Variants in SPECC1L observed in about 807,000 individuals in gnomAD.
SPECC1L encodes the protein cytospin-A.
SPECC1L carries 40 observed loss-of-function variants against 116.8 expected under a neutral mutation model. The ratio of observed to expected loss-of-function variants is 0.34; its 90% CI spans 0.27 to 0.45. The LOEUF is 0.45. SPECC1L is among the 20% of genes least tolerant of loss of function. The pLI is 1.00. For synonymous variants in SPECC1L, 504 were observed against 500.6 expected, an observed-to-expected ratio of 1.01 and a Z score of -0.09; for missense variants, 1,110 against 1,373.6, an observed-to-expected ratio of 0.81 and a Z score of 3.03.
rs571630602 is a variant in SPECC1L, at chr22:24,317,075, G to A, written c.307+3609G>A. ...TCCCTCCCGGAGGGGGTGGCTGGCCGGGCGGTGGGGCTGACCCCCCCACCT... is the reference window on the plus strand; with the variant it reads ...TCCCTCCCGGAGGGGGTGGCTGGCCAGGCGGTGGGGCTGACCCCCCCACCT... On this transcript the variant is annotated intron_variant, in intron 4 of 16. Coordinates refer to ENST00000314328, the MANE Select transcript of SPECC1L (RefSeq NM_015330.6). 3.4e-4 allele frequency among the ~76,000 whole-genome samples: 41 copies of A among 118,990 alleles called. 3 individuals are homozygous for A. The South Asian group carries it at 0.01, about 30-fold the overall frequency. The allele number at this position is 118,990 out of a possible 152,430, so 78.1% of individuals were successfully genotyped here. A position where few individuals can be genotyped will look rare whatever the true frequency, so the allele number is the denominator to read the frequency against.
rs2040742680 is a variant in SPECC1L, at chr22:24,322,576, A to G, written c.1596A>G (p.Glu532=). ...AACAAGACAATAAGGAAGCTCAAGAAATGATAGGGGCACTCAAAGAACGCA... is the reference window on the plus strand; with the variant it reads ...AACAAGACAATAAGGAAGCTCAAGAGATGATAGGGGCACTCAAAGAACGCA... ...MAEQDNKEAQ[E]MIGALKERSH... The change falls in exon 5 of 17, where the codon GAA becomes GAG. Residue 532 remains glutamate, a synonymous_variant. Coordinates refer to ENST00000314328, the MANE Select transcript of SPECC1L (RefSeq NM_015330.6). 2.5e-6 allele frequency: 4 copies of G among 1,614,106 alleles called. No individual in the cohort carries two copies. The highest frequency in any genetic ancestry group is 1.6e-4 in the Middle Eastern group (1 of 6,084).
intron 5 of SPECC1L, 93 bp from the exon 6 acceptor site, chr22:24,324,127 A>G: frequency 9.7e-7 from 1 of 1,026,574 alleles, no homozygotes; most frequent in Non-Finnish European, 1.5e-6. Flanking sequence ...CCTCATACTT[A>G]GCTCCCCTTG....
chr22:24,351,768 G>A (rs1272117831), intron 11 of SPECC1L, among the ~76,000 whole-genome samples: 1 of 152,224 alleles, frequency 6.6e-6, no homozygotes, highest in Non-Finnish European at 1.5e-5. Flanking sequence ...TCTGAGCTCT[G>A]TCTTGAACTG....
chr22:24,347,965 C>T (rs1387883278), intron 11 of SPECC1L, among the ~76,000 whole-genome samples: 4 of 152,278 alleles, frequency 2.6e-5, no homozygotes, highest in South Asian at 4.1e-4. Flanking sequence ...CGCAAGCTAC[C>T]GCACCTGGCC....
chr22:24,354,392 A>G (rs1458550462), intron 11 of SPECC1L, among the ~76,000 whole-genome samples: 4 of 152,156 alleles, frequency 2.6e-5, no homozygotes, highest in Non-Finnish European at 5.9e-5. Context: ...AATTATTTAT[A>G]TGTATTATTC....
At chr22:24,327,833 T>C (rs1185274587) in intron 6 of SPECC1L, among the ~76,000 whole-genome samples, 1 of 152,128 alleles carries the variant, frequency 6.6e-6, no homozygotes, top group Non-Finnish European at 1.5e-5. Context: ...TCGAGACAGA[T>C]GTGTCGAGAT....
chr22:24,333,114 G>T (rs2040971583), intron 8 of SPECC1L, among the ~76,000 whole-genome samples: 1 of 152,158 alleles, frequency 6.6e-6, no homozygotes, highest in Non-Finnish European at 1.5e-5. Flanking sequence ...TGTAATCCCA[G>T]CTACTCGGGA....
intron 3 of SPECC1L, among the ~76,000 whole-genome samples, chr22:24,305,513 G>GT (rs2049475065): frequency 1.3e-5 from 2 of 151,782 alleles, no homozygotes; most frequent in African/African-American, 4.9e-5. Context: ...TTGTTGGTTA[G>GT]TAATCCATGG....
Position 24,338,477 on chromosome 22 carries a change from G to GGTGA in SPECC1L, c.2652+4_2652+7dup, listed in dbSNP as rs1363111392. 6.2e-7 allele frequency: 1 copy of GGTGA among 1,613,970 alleles called. No individual in the cohort carries two copies. Among genetic ancestry groups the GGTGA allele is most frequent in the Non-Finnish European group, 8.5e-7 (1 of 1,179,918 alleles). On this transcript the variant is annotated frameshift_variant and splice_region_variant. Transcript: ENST00000314328. LOFTEE classifies it high-confidence loss of function. The stretch of plus-strand genomic sequence containing the variant: ...CTGCAGCAGCTGTGTCCCCTATGCA[G>GGTGA]GTGAGTGCCTGGAACCACAGGAGGC...
chr22:24,397,675 ATATAAGT>A (rs2042394050), intron 14 of SPECC1L, among the ~76,000 whole-genome samples: 7 of 152,176 alleles, frequency 4.6e-5, no homozygotes, highest in Admixed American at 4.6e-4. Context: ...ATCCTTTTTT[ATATAAGT>A]TATATTTTTC....
intron 11 of SPECC1L, among the ~76,000 whole-genome samples, chr22:24,347,459 C>T (rs2041320599): frequency 6.6e-6 from 1 of 152,168 alleles, no homozygotes; most frequent in Admixed American, 6.6e-5. Context: ...TTATTGTCAT[C>T]CTCATTTTAT....
At chr22:24,353,899 A>G (rs1252480816) in intron 11 of SPECC1L, among the ~76,000 whole-genome samples, 2 of 152,254 alleles carry the variant, frequency 1.3e-5, no homozygotes, top group Non-Finnish European at 2.9e-5. Flanking sequence ...ATTGCTATAA[A>G]GAAATACATT....
chr22:24,371,115 AAAAG>A lies in SPECC1L; in HGVS notation c.3087+1801_3087+1804del, dbSNP rs200243769. The stretch of plus-strand genomic sequence containing the variant: ...ATAAAACTCCACTGCAAAAAGAAAA[AAAAG>A]AAAGATTGAGATAAGACCAGATAGA... On this transcript the variant is annotated intron_variant, in intron 14 of 16. Coordinates refer to ENST00000314328, the MANE Select transcript of SPECC1L (RefSeq NM_015330.6). Among the ~76,000 whole-genome samples the A allele has an allele frequency of 7.3e-3, 1,119 of 152,296 alleles. 13 individuals carry two copies. Among genetic ancestry groups the A allele is most frequent in the African/African-American group, 0.025 (1,048 of 41,556 alleles).
At chr22:24,287,283 C>T (rs1443906633) in intron 2 of SPECC1L, among the ~76,000 whole-genome samples, 2 of 152,160 alleles carry the variant, frequency 1.3e-5, no homozygotes, top group African/African-American at 4.8e-5. Context: ...AAGCAGGTAT[C>T]GGCGCTGGGG....
At chr22:24,349,294 G>A (rs549058590) in intron 11 of SPECC1L, among the ~76,000 whole-genome samples, 87 of 152,194 alleles carry the variant, frequency 5.7e-4, no homozygotes, top group African/African-American at 2.0e-3. Flanking sequence ...TGCCAGCCTT[G>A]GCCTCCCAAA....
chr22:24,355,624 G>A (rs1250583903), intron 11 of SPECC1L, among the ~76,000 whole-genome samples: 3 of 151,920 alleles, frequency 2.0e-5, no homozygotes, highest in Admixed American at 1.3e-4. Context: ...TTCTTTTGGG[G>A]GTGAGAAACT....
At chr22:24,347,991 T>C (rs777595022) in intron 11 of SPECC1L, among the ~76,000 whole-genome samples, 24 of 152,168 alleles carry the variant, frequency 1.6e-4, no homozygotes, top group Non-Finnish European at 3.1e-4. Context: ...CGTAGTTTTT[T>C]TATGGTAGGG....
intron 14 of SPECC1L, among the ~76,000 whole-genome samples, chr22:24,373,157 T>C (rs1295348019): frequency 6.6e-6 from 1 of 152,178 alleles, no homozygotes; most frequent in South Asian, 2.1e-4. Flanking sequence ...CGTTCCATGC[T>C]CATGGGTAGG....
intron 4 of SPECC1L, among the ~76,000 whole-genome samples, chr22:24,317,325 C>T (rs1480689224): frequency 8.2e-6 from 1 of 121,540 alleles, no homozygotes; most frequent in African/African-American, 2.9e-5. Flanking sequence ...ACCCCCCCCA[C>T]CTCCCTCCCG....
Sources: gnomAD v4.1 joint callset for allele counts (sites outside exome capture counted in the v4.1 genomes callset) on GRCh38, gnomAD v4.1.1 for gene constraint, MANE v1.5 for transcripts, NCBI Gene and HGNC (gene_info 2026-07-23, HGNC 2026-07-21) for gene names.